GCNT2: variants seen among roughly 807,000 people sequenced by gnomAD.
GCNT2 encodes glucosaminyl (N-acetyl) transferase 2 (I blood group).
GCNT2 carries 34 observed loss-of-function variants against 34.2 expected under a neutral mutation model. The observed-to-expected ratio is 1.00, with a 90% CI of 0.76 to 1.32. GCNT2 has a LOEUF of 1.32. Ranked by LOEUF, GCNT2 falls within the 40% of genes most tolerant of loss-of-function variation. GCNT2 has a pLI of 0.00. For missense variants in GCNT2, 584 were observed against 489.4 expected (o/e 1.19, Z -1.82); for synonymous variants, 212 against 188.0 (o/e 1.13, Z -1.04).
At chr6:10,556,753 G>C in intron 3 of GCNT2, 1 of 1,614,044 alleles carries the variant, frequency 6.2e-7, no homozygotes, top group Non-Finnish European at 8.5e-7. Context: ...CCTTTGCAAG[G>C]CTCTTCAGGG....
intron 3 of GCNT2, among the ~76,000 whole-genome samples, chr6:10,606,181 G>T (rs1438587385): frequency 5.3e-5 from 8 of 152,214 alleles, no homozygotes; most frequent in African/African-American, 1.9e-4. Flanking sequence ...CGGGTGTGGT[G>T]GTGCATGCCT....
Position 10,526,037 on chromosome 6 carries a change from A to G in GCNT2, c.-468-1437A>G, listed in dbSNP as rs530352883. On this transcript the variant is annotated intron_variant, in intron 1 of 4. Transcript: ENST00000495262. Reference sequence around the variant, plus strand: ...TTGACATTTTCATTTAATCATTCCTATAGTATTTCATTTGATATGGACAGG... The same window carrying G: ...TTGACATTTTCATTTAATCATTCCTGTAGTATTTCATTTGATATGGACAGG... Among the ~76,000 whole-genome samples, 91 of 152,312 alleles carry G rather than the reference A, an allele frequency of 6.0e-4. 3 individuals are homozygous for G. The South Asian group carries it at 0.017, about 28-fold the overall frequency.
chr6:10,556,678 T>C lies in GCNT2; in HGVS notation c.925+26842T>C, dbSNP rs367734006. The C allele has an allele frequency of 8.1e-6, 13 of 1,614,024 alleles. No individual in the cohort carries two copies. The East Asian group carries it at 2.7e-4, about 33-fold the overall frequency. Reference sequence around the variant, plus strand: ...CCCAGAGCCACTACATCACAGCCCCTTTATCTAAGGAAGAAGCTGACTTTC... The same window carrying C: ...CCCAGAGCCACTACATCACAGCCCCCTTATCTAAGGAAGAAGCTGACTTTC... On this transcript the variant is annotated intron_variant, in intron 3 of 4. Transcript: ENST00000495262.
At chr6:10,522,462 A>G (rs1026139515) in intron 1 of GCNT2, among the ~76,000 whole-genome samples, 4 of 152,148 alleles carry the variant, frequency 2.6e-5, no homozygotes, top group African/African-American at 7.2e-5. Flanking sequence ...GTCTTTCTGC[A>G]CCTGGTAGTA....
At chr6:10,572,415 G>C (rs1763592786) in intron 3 of GCNT2, among the ~76,000 whole-genome samples, 1 of 152,134 alleles carries the variant, frequency 6.6e-6, no homozygotes, top group South Asian at 2.1e-4. Context: ...TAGAGTTTAA[G>C]GATGTCATCT....
chr6:10,588,773 AGT>A (rs1401385100), intron 3 of GCNT2, among the ~76,000 whole-genome samples: 4 of 115,622 alleles, frequency 3.5e-5, no homozygotes, highest in Admixed American at 1.9e-4. Flanking sequence ...GTGTGTTTGT[AGT>A]GTGTGTGTGA....
intron 4 of GCNT2, among the ~76,000 whole-genome samples, chr6:10,624,728 CCTT>C (rs1487797679): frequency 6.6e-6 from 1 of 152,160 alleles, no homozygotes. Flanking sequence ...TGTGTGGACA[CCTT>C]CTTTCATTGT....
rs558742736 is a variant in GCNT2 at position 10,587,438 on chromosome 6, C to A, written c.926-33913C>A. Reference sequence around the variant, plus strand: ...AAACATCTCTGGTTTAAGATCTGAACAAGTAGCCAGGTCTCAGCTCTTCTT... The same window carrying A: ...AAACATCTCTGGTTTAAGATCTGAAAAAGTAGCCAGGTCTCAGCTCTTCTT... On this transcript the variant is annotated intron_variant, in intron 3 of 4. Coordinates refer to ENST00000495262, the MANE Select transcript of GCNT2 (RefSeq NM_145649.5). Among the ~76,000 whole-genome samples the A allele has an allele frequency of 5.9e-5, 9 of 152,302 alleles. No homozygotes were observed. The East Asian group carries it at 1.7e-3, about 29-fold the overall frequency.
At chr6:10,545,645 A>T (rs1361158286) in intron 3 of GCNT2, among the ~76,000 whole-genome samples, 1 of 152,220 alleles carries the variant, frequency 6.6e-6, no homozygotes, top group Non-Finnish European at 1.5e-5. Context: ...TCACCCTTGT[A>T]GAATTTTCCA....
chr6:10,561,046 G>T (rs1442151762), intron 3 of GCNT2, among the ~76,000 whole-genome samples: 1 of 152,220 alleles, frequency 6.6e-6, no homozygotes, highest in Admixed American at 6.5e-5. Context: ...CGTAACTTCT[G>T]ACTTCCGGTA....
At chr6:10,626,010 G>C (rs537443189) in intron 4 of GCNT2, among the ~76,000 whole-genome samples, 1 of 152,166 alleles carries the variant, frequency 6.6e-6, no homozygotes, top group South Asian at 2.1e-4. Context: ...TAATATTTTT[G>C]GATCGTGGTT....
At chr6:10,568,532 T>A (rs1301949354) in intron 3 of GCNT2, among the ~76,000 whole-genome samples, 1 of 152,190 alleles carries the variant, frequency 6.6e-6, no homozygotes, top group Non-Finnish European at 1.5e-5. Context: ...TTCAAACCAT[T>A]CTAACACTCT....
At chr6:10,570,650 A>T (rs185522066) in intron 3 of GCNT2, among the ~76,000 whole-genome samples, 4 of 152,308 alleles carry the variant, frequency 2.6e-5, no homozygotes, top group African/African-American at 9.6e-5. Flanking sequence ...CTAATTCTGC[A>T]CTTGGTCCAA....
At chr6:10,614,625 CAAAAAAAAAA>C (rs34015959) in intron 3 of GCNT2, among the ~76,000 whole-genome samples, 3 of 105,992 alleles carry the variant, frequency 2.8e-5, no homozygotes, top group African/African-American at 9.3e-5. Context: ...GACTCTGTCT[CAAAAAAAAAA>C]AAAAAAAAAA....
rs1554127248 is a variant in GCNT2 at position 10,538,437 on chromosome 6, AATAT to A, written c.925+8618_925+8621del. ...AAAAAAAAAAAAAAAAAAAAAAAAA[AATAT>A]ATATATATATATATATGTTGAACTC... is the stretch of plus-strand genomic sequence containing the variant. On this transcript the variant is annotated intron_variant, in intron 3 of 4. Transcript: ENST00000495262. Among the ~76,000 whole-genome samples the A allele has an allele frequency of 4.9e-4, 36 of 73,344 alleles. 1 individual carries two copies. The highest frequency in any genetic ancestry group is 7.7e-4 in the South Asian group (2 of 2,596). 48.1% of individuals were successfully genotyped at this position (73,344 alleles called of 152,430 possible).
At chr6:10,582,529 CAT>C (rs1581442731) in intron 3 of GCNT2, among the ~76,000 whole-genome samples, 4 of 93,848 alleles carry the variant, frequency 4.3e-5, no homozygotes, top group South Asian at 5.1e-4. Flanking sequence ...TATTATACAT[CAT>C]ATATTATATA....
At chr6:10,578,506 G>T (rs1763926230) in intron 3 of GCNT2, among the ~76,000 whole-genome samples, 1 of 143,100 alleles carries the variant, frequency 7.0e-6, no homozygotes, top group South Asian at 2.2e-4. Context: ...GAGTGTAGTG[G>T]CATGATCTCG....
chr6:10,576,342 A>G (rs1763810115), intron 3 of GCNT2, among the ~76,000 whole-genome samples: 1 of 152,178 alleles, frequency 6.6e-6, no homozygotes, highest in South Asian at 2.1e-4. Context: ...ACAGAGACCT[A>G]GTGAATGGCC....
At chr6:10,537,719 A>C (rs113744590) in intron 3 of GCNT2, among the ~76,000 whole-genome samples, 2,494 of 119,654 alleles carry the variant, frequency 0.021, 112 homozygotes, top group African/African-American at 0.069. Flanking sequence ...AAAAAAAAAA[A>C]AAAAAAACAA....
Sources: gnomAD v4.1 joint callset for allele counts (sites outside exome capture counted in the v4.1 genomes callset) on GRCh38, gnomAD v4.1.1 for gene constraint, MANE v1.5 for transcripts, NCBI Gene and HGNC (gene_info 2026-07-23, HGNC 2026-07-21) for gene names.